Variants in ATAD2 observed in about 807,000 individuals in gnomAD.
ATAD2 encodes ATPase family AAA domain-containing protein 2.
ATAD2 carries 62 observed loss-of-function variants against 168.9 expected under a neutral mutation model. That is an observed-to-expected ratio of 0.37 (90% CI 0.30 to 0.45). The LOEUF is 0.45. Ranked by LOEUF, ATAD2 falls within the 20% of genes least tolerant of loss-of-function variation. ATAD2 has a pLI of 1.00. For missense variants in ATAD2, 1,419 were observed against 1,667.8 expected, an observed-to-expected ratio of 0.85 and a Z score of 2.60; for synonymous variants, 613 against 571.6, an observed-to-expected ratio of 1.07 and a Z score of -1.03.
At chr8:123,382,025 G>A (rs1321107551) in intron 1 of ATAD2, among the ~76,000 whole-genome samples, 2 of 152,034 alleles carry the variant, frequency 1.3e-5, no homozygotes, top group East Asian at 1.9e-4. Flanking sequence ...CAGCCTGGGC[G>A]ACACAGCAAG....
intron 1 of ATAD2, among the ~76,000 whole-genome samples, chr8:123,411,636 C>G (rs139550097): frequency 6.6e-6 from 1 of 152,050 alleles, no homozygotes; most frequent in Non-Finnish European, 1.5e-5. Context: ...GAGAGCACAG[C>G]GGGAGGGACA....
chr8:123,393,147 T>C (rs906401176), intron 1 of ATAD2, among the ~76,000 whole-genome samples: 3 of 147,078 alleles, frequency 2.0e-5, no homozygotes, highest in African/African-American at 7.6e-5. Flanking sequence ...ATTGGGCCAC[T>C]GCACTCCAGC....
chr8:123,354,462 T>C (rs574592409), intron 13 of ATAD2, among the ~76,000 whole-genome samples: 6 of 151,894 alleles, frequency 4.0e-5, no homozygotes, highest in Admixed American at 3.3e-4. Flanking sequence ...TCCCAGCACT[T>C]TGGGAGGCAG....
chr8:123,400,245 C>A (rs542679958), upstream of ATAD2, among the ~76,000 whole-genome samples: 1 of 152,060 alleles, frequency 6.6e-6, no homozygotes, highest in Non-Finnish European at 1.5e-5. The surrounding 1 kb of genome is among the most constrained non-coding windows in gnomAD (Gnocchi z 4.5). Flanking sequence ...AGGAATCAGC[C>A]GATCAAAAAA....
intron 1 of ATAD2, among the ~76,000 whole-genome samples, chr8:123,389,005 C>T (rs1232717018): frequency 7.3e-5 from 11 of 150,504 alleles, no homozygotes; most frequent in South Asian, 6.3e-4. Context: ...CTCGCCCTGT[C>T]GCCCACGCTG....
chr8:123,391,485 G>GAAAAAAA (rs10563871), intron 1 of ATAD2, among the ~76,000 whole-genome samples: 2 of 33,858 alleles, frequency 5.9e-5, no homozygotes, highest in African/African-American at 2.2e-4. Context: ...GAGAAGTTTT[G>GAAAAAAA]AAAAAAAAAA....
chr8:123,399,930 G>A (rs536295438), upstream of ATAD2, among the ~76,000 whole-genome samples: 2 of 152,298 alleles, frequency 1.3e-5, no homozygotes, highest in East Asian at 1.9e-4. Context: ...TTGGGAGGGC[G>A]AGGCAGGCAG....
rs1827845228 is a variant in ATAD2 at position 123,333,896 on chromosome 8, C to T, written c.3460G>A (p.Val1154Met). ...NEKLKTPSTP[V>M]ACSTPAQLKR... Reference sequence around the variant, plus strand: ...TACTTACCAGGAGTGCTGCAAGCCACAGGAGTACTCGGTGTCTTTAGCTTT... The same window carrying T: ...TACTTACCAGGAGTGCTGCAAGCCATAGGAGTACTCGGTGTCTTTAGCTTT... The change falls in exon 24 of 28, where the codon GTG (valine) becomes ATG (methionine). Residue 1154 changes from valine to methionine, a missense_variant. This residue lies in a region of ATAD2 where 303 missense variants were observed against 304.3 expected (regional missense o/e 1.00). Transcript: ENST00000287394. 1 of 1,613,738 alleles carries T rather than the reference C, an allele frequency of 6.2e-7. No individual in the cohort carries two copies. The highest frequency in any genetic ancestry group is 1.3e-5 in the African/African-American group (1 of 74,908).
At chr8:123,381,864 T>C (rs543455504) in intron 1 of ATAD2, among the ~76,000 whole-genome samples, 41 of 152,190 alleles carry the variant, frequency 2.7e-4, no homozygotes, top group African/African-American at 9.2e-4. Flanking sequence ...ATGGCCAACA[T>C]TGTGAAACCC....
intron 1 of ATAD2, among the ~76,000 whole-genome samples, chr8:123,410,027 C>T (rs11774702): frequency 6.6e-6 from 1 of 150,750 alleles, no homozygotes. Flanking sequence ...GCTCAATATA[C>T]TGTGTGCTGT....
In ATAD2 at chr8:123,359,246, C is replaced by T; in HGVS notation, c.1357G>A (p.Glu453Lys). ...VFPLLYPEVF[E>K]KFKIQPPRGC... is the part of the protein sequence containing the mutation. ...CTTGGGGGTTGAATTTTAAATTTTT[C>T]AAAGACTTCTGGATAAAGTAATGGA... Residue 453 changes from glutamate (E) to lysine (K), a missense_variant, in exon 11 of 28, where the codon GAA (glutamate) becomes AAA (lysine). Glu to Lys is a moderately conservative substitution (Grantham distance 56). This residue lies in a region of ATAD2 where 146 missense variants were observed against 188.3 expected (regional missense o/e 0.78). Transcript: ENST00000287394. 5.6e-6 allele frequency: 9 copies of T among 1,593,232 alleles called. No homozygotes were observed. Among genetic ancestry groups the T allele is most frequent in the Non-Finnish European group, 6.8e-6 (8 of 1,172,536 alleles).
Position 123,346,727 on chromosome 8 carries a change from T to C in ATAD2, c.2236A>G (p.Ser746Gly), listed in dbSNP as rs749311101. The C allele has an allele frequency of 3.1e-6, 5 of 1,590,206 alleles. No individual in the cohort carries two copies. Among genetic ancestry groups the C allele is most frequent in the South Asian group, 1.2e-5 (1 of 83,978 alleles). ...TCATCATCACTGTAAGCCAAGTCAC[T>C]TTCTAGCAGAGGACAAGAAATATCT... The part of the protein sequence containing the change: ...DSDISCPLLE[S>G]DLAYSDDDVP... Residue 746 changes from serine to glycine, a missense_variant, in exon 17 of 28, where the codon AGT becomes GGT. By Grantham distance (56) the Ser-to-Gly change is moderately conservative. Transcript: ENST00000287394.
At chr8:123,397,049 C>T (rs1812881741), upstream of ATAD2, among the ~76,000 whole-genome samples, 1 of 151,782 alleles carries the variant, frequency 6.6e-6, no homozygotes, top group Non-Finnish European at 1.5e-5. Flanking sequence ...GTTAAGGACG[C>T]GGGTTCTGTA....
At chr8:123,336,058 G>A (rs898324650) in intron 22 of ATAD2, among the ~76,000 whole-genome samples, 3 of 152,060 alleles carry the variant, frequency 2.0e-5, no homozygotes, top group Admixed American at 2.0e-4. Flanking sequence ...CTTTGAGGAA[G>A]AGCACTGATA....
In ATAD2 at chr8:123,404,201, A is replaced by G. The variant is rs187996025; in HGVS notation, c.-2281-3026T>C. Among the ~76,000 whole-genome samples, 422 of 152,264 alleles carry G rather than the reference A, an allele frequency of 2.8e-3. 1 individual carries two copies. Among genetic ancestry groups the G allele is most frequent in the Non-Finnish European group, 3.8e-3 (260 of 68,028 alleles). ...TCCTAGCCATCTTGTCACCCTTCCCATCAGCAACCAAAGTTATTCATTTCT... is the reference window on the plus strand; with the variant it reads ...TCCTAGCCATCTTGTCACCCTTCCCGTCAGCAACCAAAGTTATTCATTTCT... On this transcript the variant is annotated intron_variant, in intron 1 of 28. Coordinates refer to the ATAD2 transcript ENST00000521903.
In ATAD2 at chr8:123,372,720, A is replaced by G. The variant is rs909147769; in HGVS notation, c.321-34T>C. The G allele has an allele frequency of 4.7e-6, 7 of 1,496,428 alleles. No homozygotes were observed. The African/African-American group carries it at 8.5e-5, about 18-fold the overall frequency. 92.7% of individuals were successfully genotyped at this position (1,496,428 alleles called of 1,614,324 possible). A position where few individuals can be genotyped will look rare whatever the true frequency, so the allele number is the denominator to read the frequency against. On this transcript the variant is annotated intron_variant, in intron 2 of 27. Coordinates refer to ENST00000287394, the MANE Select transcript of ATAD2 (RefSeq NM_014109.4). ...TAAAAAATTAGATTAATTCAAAATA[A>G]TTGACATAACTTTATTTTTATTTAT...
chr8:123,327,128 C>T (rs1827637009), intron 25 of ATAD2, among the ~76,000 whole-genome samples: 1 of 152,018 alleles, frequency 6.6e-6, no homozygotes, highest in African/African-American at 2.4e-5. Flanking sequence ...AGGCTGGTCT[C>T]GAACTCCTGA....
chr8:123,357,807 C>G, intron 11 of ATAD2, 71 bp from the exon 12 acceptor site: 1 of 1,360,246 alleles, frequency 7.4e-7, no homozygotes, highest in Non-Finnish European at 9.9e-7. Flanking sequence ...AATTAGAAAC[C>G]AATTTCATGA....
intron 1 of ATAD2, among the ~76,000 whole-genome samples, chr8:123,388,148 C>CA (rs1349363886): frequency 6.6e-6 from 1 of 152,178 alleles, no homozygotes; most frequent in Non-Finnish European, 1.5e-5. Context: ...TAGCTACATC[C>CA]AATAGCCTTT....
Sources: allele counts gnomAD v4.1 joint callset (sites outside exome capture counted in the v4.1 genomes callset), GRCh38; gene constraint gnomAD v4.1.1; regional missense constraint gnomAD v4.1.1; non-coding constraint Gnocchi (gnomAD v3.1); transcripts MANE v1.5; gene names NCBI Gene and HGNC (gene_info 2026-07-23, HGNC 2026-07-21).